Variants in NAV3 observed in about 807,000 individuals in gnomAD.
The protein encoded by NAV3 is neuron navigator 3.
In NAV3, 87 loss-of-function variants were observed where a neutral mutation model predicts 244.7. The ratio of observed to expected loss-of-function variants is 0.36; its 90% CI spans 0.30 to 0.42. NAV3 has a LOEUF of 0.42. NAV3 is among the 20% of genes least tolerant of loss of function. The pLI, the probability that NAV3 is intolerant of heterozygous loss-of-function variation, is 1.00. For synonymous variants in NAV3, 1,126 were observed against 1,042.2 expected, an observed-to-expected ratio of 1.08 and a Z score of -1.55; for missense variants, 2,663 against 2,893.3, an observed-to-expected ratio of 0.92 and a Z score of 1.83.
chr12:77,926,051 A>G (rs967914286), intron 1 of NAV3, among the ~76,000 whole-genome samples: 1 of 152,088 alleles, frequency 6.6e-6, no homozygotes, highest in African/African-American at 2.4e-5. Flanking sequence ...AAATTTCTCT[A>G]TTGCTCCCTG....
Position 77,655,327 on chromosome 12 carries a change from G to A in NAV3, c.72+83061G>A, listed in dbSNP as rs563264654. The stretch of plus-strand genomic sequence containing the variant: ...GAAGAATGCAGAAGCCTTAGGAGCC[G>A]ATGCAATCAACTGGAAGAAAGGGTA... On this transcript the variant is annotated intron_variant, in intron 2 of 8. Coordinates refer to the NAV3 transcript ENST00000550042. Among the ~76,000 whole-genome samples, 760 of 152,290 alleles carry A rather than the reference G, an allele frequency of 5.0e-3. 4 individuals are homozygous for A. Among genetic ancestry groups the A allele is most frequent in the Middle Eastern group, 0.017 (5 of 294 alleles).
At chr12:77,904,799 G>A (rs530379271) in intron 1 of NAV3, among the ~76,000 whole-genome samples, 14 of 152,000 alleles carry the variant, frequency 9.2e-5, no homozygotes, top group Non-Finnish European at 1.6e-4. Context: ...TCTTATTTTG[G>A]ACTTAAGACC....
At chr12:78,137,586 T>G (rs544094606) in intron 19 of NAV3, among the ~76,000 whole-genome samples, 24 of 152,210 alleles carry the variant, frequency 1.6e-4, no homozygotes, top group Non-Finnish European at 3.1e-4. Context: ...TACTTGGCTG[T>G]AGAAGAGTTT....
At chr12:77,958,575 C>A (rs765347470) in intron 3 of NAV3, among the ~76,000 whole-genome samples, 1 of 152,052 alleles carries the variant, frequency 6.6e-6, no homozygotes, top group Non-Finnish European at 1.5e-5. Flanking sequence ...TTCTTTAGGG[C>A]ATTATGATAA....
intron 5 of NAV3, among the ~76,000 whole-genome samples, chr12:77,987,541 G>A (rs537780559): frequency 1.3e-5 from 2 of 152,054 alleles, no homozygotes; most frequent in South Asian, 4.2e-4. Flanking sequence ...AATTTCCCTT[G>A]TTTAGAAGGT....
rs1177501090 is a variant in NAV3 at position 77,711,674 on chromosome 12, G to A, written c.72+139408G>A. ...AGCAAGATTAGGCAGGGTGTCTGTG[G>A]AACAGGGGATCTCTGAGGGAGGTGG... On this transcript the variant is annotated intron_variant, in intron 2 of 8. Transcript: ENST00000550042. 2.6e-5 allele frequency among the ~76,000 whole-genome samples: 4 copies of A among 152,166 alleles called. No homozygotes were observed. The South Asian group carries it at 8.3e-4, about 32-fold the overall frequency.
intron 5 of NAV3, among the ~76,000 whole-genome samples, chr12:77,977,715 C>T (rs1422153250): frequency 1.0e-5 from 1 of 100,498 alleles, no homozygotes; most frequent in African/African-American, 3.5e-5. Context: ...CACACGCGCA[C>T]ACACACACAC....
intron 2 of NAV3, among the ~76,000 whole-genome samples, chr12:77,773,900 C>A (rs1870223926): frequency 6.6e-6 from 1 of 152,046 alleles, no homozygotes; most frequent in African/African-American, 2.4e-5. Flanking sequence ...CATAGGCTAC[C>A]CTTCTGTATC....
intron 3 of NAV3, among the ~76,000 whole-genome samples, chr12:77,955,542 C>T (rs866341593): frequency 6.6e-6 from 1 of 152,106 alleles, no homozygotes; most frequent in African/African-American, 2.4e-5. Context: ...TAATAACTTT[C>T]TCCTTTCCTA....
chr12:78,082,726 C>A (rs1282171678), intron 12 of NAV3, among the ~76,000 whole-genome samples: 1 of 152,138 alleles, frequency 6.6e-6, no homozygotes, highest in African/African-American at 2.4e-5. Context: ...ACTTTTAAAC[C>A]ATGTTTTTAA....
chr12:78,175,386 G>T lies in NAV3; in HGVS notation c.5062G>T (p.Gly1688Cys), dbSNP rs554238941. 6.2e-7 allele frequency: 1 copy of T among 1,611,494 alleles called. No homozygotes were observed. The highest frequency in any genetic ancestry group is 8.5e-7 in the Non-Finnish European group (1 of 1,178,330). Residue 1688 changes from glycine to cysteine, a missense_variant, in exon 25 of 40, where the codon GGT (glycine) becomes TGT (cysteine). By Grantham distance (159) the Gly-to-Cys change is radical (BLOSUM62 -3). Coordinates refer to ENST00000397909, the MANE Select transcript of NAV3 (RefSeq NM_001024383.2). ...SATSHSSIGS[G>C]NDADSKKKKK... ...CACAAGCCATTCCAGTATTGGCAGT[G>T]GTAATGATGCCGACTCCAAGAAGAA...
chr12:78,147,061 G>A (rs1404475161), intron 21 of NAV3, among the ~76,000 whole-genome samples: 2 of 151,966 alleles, frequency 1.3e-5, no homozygotes, highest in Non-Finnish European at 2.9e-5. Context: ...GAGGCAATCA[G>A]ACAACAGAGA....
intron 12 of NAV3, among the ~76,000 whole-genome samples, chr12:78,092,820 T>G (rs1443908838): frequency 6.6e-6 from 1 of 152,054 alleles, no homozygotes; most frequent in Non-Finnish European, 1.5e-5. Flanking sequence ...TTTTCTAAAG[T>G]GTTTCATCCA....
intron 1 of NAV3, among the ~76,000 whole-genome samples, chr12:77,910,024 G>A (rs1886413414): frequency 6.6e-6 from 1 of 152,016 alleles, no homozygotes; most frequent in Non-Finnish European, 1.5e-5. Flanking sequence ...TAACAGAATA[G>A]CACGATTTTA....
At chr12:77,640,246 AGAGAGG>A (rs1872348934) in intron 2 of NAV3, among the ~76,000 whole-genome samples, 1 of 152,128 alleles carries the variant, frequency 6.6e-6, no homozygotes, top group African/African-American at 2.4e-5. Context: ...CAGCAGAGAG[AGAGAGG>A]GAGAGAGAGA....
chr12:78,169,370 G>A (rs1031089264), intron 24 of NAV3, among the ~76,000 whole-genome samples: 5 of 151,662 alleles, frequency 3.3e-5, no homozygotes, highest in African/African-American at 4.8e-5. Flanking sequence ...TAAAAACAAC[G>A]GGTGAAAGGT....
chr12:77,767,826 C>G (rs1869858166), intron 2 of NAV3, among the ~76,000 whole-genome samples: 1 of 152,210 alleles, frequency 6.6e-6, no homozygotes, highest in South Asian at 2.1e-4. Flanking sequence ...TTTTCCTTCC[C>G]ATTGCCTGCA....
At position 77,686,912 on chromosome 12, in the gene NAV3, A is replaced by G. The variant is rs193153236; in HGVS notation, c.72+114646A>G. Among the ~76,000 whole-genome samples the G allele has an allele frequency of 1.8e-3, 273 of 152,148 alleles. 1 individual carries two copies. Among genetic ancestry groups the G allele is most frequent in the African/African-American group, 6.4e-3 (264 of 41,522 alleles). On this transcript the variant is annotated intron_variant, in intron 2 of 8. Transcript: ENST00000550042. ...AAACAGAGTTGTAGAAGAATTTTTT[A>G]AAAAAACAAAACAAGCCTAAACATG... is the stretch of plus-strand genomic sequence containing the variant.
intron 3 of NAV3, among the ~76,000 whole-genome samples, chr12:77,949,542 C>CT (rs776143694): frequency 1.6e-4 from 24 of 151,722 alleles, no homozygotes; most frequent in East Asian, 1.5e-3. Context: ...TTAAAAACTA[C>CT]TTTTTTTATA....
Sources: allele counts gnomAD v4.1 joint callset (sites outside exome capture counted in the v4.1 genomes callset), GRCh38; gene constraint gnomAD v4.1.1; transcripts MANE v1.5; gene names NCBI Gene and HGNC (gene_info 2026-07-23, HGNC 2026-07-21).